Variants in AKAP7 observed in about 807,000 individuals in gnomAD.
AKAP7 encodes A kinase (PRKA) anchor protein 7.
AKAP7 carries 39 observed loss-of-function variants against 39.5 expected under a neutral mutation model. That is an observed-to-expected ratio of 0.99 (90% CI 0.76 to 1.29). The LOEUF (loss-of-function observed/expected upper bound fraction) is 1.29. AKAP7 is among the 50% of genes most tolerant of loss of function. The probability of loss-of-function intolerance (pLI) is 0.00; values close to 1 mark genes in which losing one functional copy is unlikely to be tolerated. For missense variants in AKAP7, 414 were observed against 407.7 expected (o/e 1.02, Z -0.13); for synonymous variants, 140 against 139.1 (o/e 1.01, Z -0.05).
At chr6:131,260,654 G>GT (rs1813236180) in intron 7 of AKAP7, among the ~76,000 whole-genome samples, 1 of 151,922 alleles carries the variant, frequency 6.6e-6, no homozygotes, top group Admixed American at 6.6e-5. Flanking sequence ...GGGGTGGTTT[G>GT]TTTTTTTCTT....
chr6:131,169,410 T>G, intron 5 of AKAP7, 137 bp downstream of exon 5: 1 of 965,320 alleles, frequency 1.0e-6, no homozygotes, highest in Non-Finnish European at 1.6e-6. Flanking sequence ...ACTGTCCCAA[T>G]CATAAGTCTG....
intron 7 of AKAP7, among the ~76,000 whole-genome samples, chr6:131,273,722 C>T (rs149612464): frequency 1.3e-5 from 2 of 152,234 alleles, no homozygotes; most frequent in Admixed American, 6.5e-5. Context: ...TTTTTACTTA[C>T]GTATGTACAG....
upstream of AKAP7, among the ~76,000 whole-genome samples, chr6:131,131,529 T>C (rs562192114): frequency 1.1e-4 from 16 of 151,390 alleles, no homozygotes; most frequent in East Asian, 2.9e-3. Flanking sequence ...CAAATCTGAG[T>C]ACTTAATGGA....
At chr6:131,257,759 G>A (rs532101404) in intron 7 of AKAP7, among the ~76,000 whole-genome samples, 1 of 152,280 alleles carries the variant, frequency 6.6e-6, no homozygotes, top group East Asian at 1.9e-4. Context: ...CCAGCACAGA[G>A]GAAAGTAAGC....
intron 7 of AKAP7, among the ~76,000 whole-genome samples, chr6:131,269,604 A>T (rs1031709797): frequency 6.6e-6 from 1 of 152,206 alleles, no homozygotes; most frequent in African/African-American, 2.4e-5. Context: ...ACAAACTGCC[A>T]TGAGCACAGT....
intron 5 of AKAP7, among the ~76,000 whole-genome samples, chr6:131,197,808 C>T (rs1807090526): frequency 6.6e-6 from 1 of 151,984 alleles, no homozygotes; most frequent in African/African-American, 2.4e-5. Context: ...CCGGTGGAGT[C>T]AAAGGAATGA....
chr6:131,157,285 T>G (rs2128235935), intron 2 of AKAP7, among the ~76,000 whole-genome samples: 1 of 152,286 alleles, frequency 6.6e-6, no homozygotes, highest in South Asian at 2.1e-4. Flanking sequence ...ACAGGGAAAC[T>G]GAATAAAGAG....
At chr6:131,138,606 T>A (rs1174717588) in intron 1 of AKAP7, among the ~76,000 whole-genome samples, 2 of 152,234 alleles carry the variant, frequency 1.3e-5, no homozygotes, top group Non-Finnish European at 1.5e-5. Flanking sequence ...TACATTGCTA[T>A]AGTCAGTGTA....
chr6:131,129,432 A>G, the AKAP7 span, among the ~76,000 whole-genome samples: 2 of 152,292 alleles, frequency 1.3e-5, no homozygotes, highest in East Asian at 3.9e-4. Context: ...TATAAAATAT[A>G]TGCTGCAGGA....
At chr6:131,249,977 T>G (rs1812308497) in intron 7 of AKAP7, among the ~76,000 whole-genome samples, 1 of 152,208 alleles carries the variant, frequency 6.6e-6, no homozygotes, top group Admixed American at 6.5e-5. Flanking sequence ...GCCTATCATT[T>G]CTATTGTTCA....
At chr6:131,200,654 C>T (rs1807466890) in intron 6 of AKAP7, among the ~76,000 whole-genome samples, 1 of 152,100 alleles carries the variant, frequency 6.6e-6, no homozygotes, top group Non-Finnish European at 1.5e-5. Context: ...AGATATCTTG[C>T]ATGGTTTTTT....
intron 3 of AKAP7, among the ~76,000 whole-genome samples, chr6:131,163,917 CAG>C (rs1389015308): frequency 1.3e-5 from 2 of 151,836 alleles, no homozygotes; most frequent in African/African-American, 2.4e-5. Flanking sequence ...TCTACAAGGA[CAG>C]AGAGAGAAGC....
chr6:131,252,731 G>T (rs1812538027), intron 7 of AKAP7, among the ~76,000 whole-genome samples: 1 of 152,182 alleles, frequency 6.6e-6, no homozygotes, highest in Non-Finnish European at 1.5e-5. Flanking sequence ...TAATGTGAAA[G>T]AATCCATAAT....
At chr6:131,237,308 C>T (rs1014558300) in intron 7 of AKAP7, among the ~76,000 whole-genome samples, 11 of 152,052 alleles carry the variant, frequency 7.2e-5, no homozygotes, top group South Asian at 2.1e-4. Flanking sequence ...TTCGGTTTGC[C>T]GGTATTTTAT....
chr6:131,157,924 C>T (rs913973580), intron 2 of AKAP7, among the ~76,000 whole-genome samples: 11 of 152,068 alleles, frequency 7.2e-5, no homozygotes, highest in African/African-American at 2.4e-4. Flanking sequence ...GATATATTGC[C>T]GAGGCCACCT....
chr6:131,196,911 A>C (rs1007328276), intron 5 of AKAP7, among the ~76,000 whole-genome samples: 1 of 152,166 alleles, frequency 6.6e-6, no homozygotes, highest in African/African-American at 2.4e-5. Flanking sequence ...TTTATTCAAA[A>C]GTAATATATG....
chr6:131,251,431 C>T (rs1471739340), intron 7 of AKAP7, among the ~76,000 whole-genome samples: 2 of 152,086 alleles, frequency 1.3e-5, no homozygotes, highest in Non-Finnish European at 2.9e-5. Flanking sequence ...AATTTGCAAC[C>T]ACATTTGTGT....
intron 3 of AKAP7, chr6:131,164,666 G>C (rs1419153662): frequency 6.4e-6 from 2 of 312,350 alleles, no homozygotes; most frequent in Non-Finnish European, 1.3e-5. Flanking sequence ...GAAATGGAAT[G>C]TTGTCTGCTG....
chr6:131,164,269 G>GT (rs1431110180), intron 3 of AKAP7: 50 of 427,098 alleles, frequency 1.2e-4, no homozygotes, highest in Middle Eastern at 7.3e-4. Flanking sequence ...TTTCTCTGTT[G>GT]TTTTTTTTCT....
Sources: allele counts gnomAD v4.1 joint callset (sites outside exome capture counted in the v4.1 genomes callset), GRCh38; gene constraint gnomAD v4.1.1; transcripts MANE v1.5; gene names NCBI Gene and HGNC (gene_info 2026-07-23, HGNC 2026-07-21).